The following KDM2A variants were observed in gnomAD, a reference collection of about 807,000 sequenced individuals.
KDM2A encodes the protein lysine demethylase 2A.
KDM2A carries 3 observed loss-of-function variants against 137.3 expected under a neutral mutation model. That is an observed-to-expected ratio of 0.02 (90% CI 0.01 to 0.06). The LOEUF (loss-of-function observed/expected upper bound fraction) is 0.06. Ranked by LOEUF, KDM2A falls within the 10% of genes least tolerant of loss-of-function variation. The pLI is 1.00. For synonymous variants in KDM2A, 512 were observed against 541.5 expected (o/e 0.95, Z 0.76); for missense variants, 738 against 1,510.6 (o/e 0.49, Z 8.48).
chr11:67,197,505 T>C (rs1300488560), intron 5 of KDM2A, among the ~76,000 whole-genome samples: 1 of 152,208 alleles, frequency 6.6e-6, no homozygotes, highest in Admixed American at 6.5e-5. Context: ...CCAGGTTTTT[T>C]AAAGTCTGGG....
intron 6 of KDM2A, among the ~76,000 whole-genome samples, chr11:67,212,581 A>G (rs2136390129): frequency 6.6e-6 from 1 of 152,324 alleles, no homozygotes; most frequent in African/African-American, 2.4e-5. Flanking sequence ...GTTGCAGAAC[A>G]GATTATAACT....
At chr11:67,181,203 CTA>C in intron 3 of KDM2A, 115 bp from the exon 4 acceptor site, 1 of 552,350 alleles carries the variant, frequency 1.8e-6, no homozygotes, top group Admixed American at 3.1e-5. Flanking sequence ...AACAGCATAA[CTA>C]TATACACAGA....
At chr11:67,147,193 A>C (rs1565377549) in intron 2 of KDM2A, among the ~76,000 whole-genome samples, 1 of 152,120 alleles carries the variant, frequency 6.6e-6, no homozygotes, top group Admixed American at 6.5e-5. Context: ...TTTGTATTTC[A>C]TCCAGGCTTG....
intron 2 of KDM2A, among the ~76,000 whole-genome samples, chr11:67,139,298 G>A (rs1044968732): frequency 6.6e-6 from 1 of 151,512 alleles, no homozygotes; most frequent in African/African-American, 2.4e-5. Flanking sequence ...AGGCTGGAGT[G>A]CAGTGGCATG....
chr11:67,149,873 A>T (rs1856346289), intron 2 of KDM2A, among the ~76,000 whole-genome samples: 1 of 152,010 alleles, frequency 6.6e-6, no homozygotes, highest in Non-Finnish European at 1.5e-5. Context: ...GGCATGCGCC[A>T]CCAGTCCCAG....
chr11:67,248,821 C>T (rs1262732014), intron 16 of KDM2A, among the ~76,000 whole-genome samples: 1 of 152,214 alleles, frequency 6.6e-6, no homozygotes, highest in Admixed American at 6.5e-5. Context: ...GCAGAAAGCC[C>T]TGCCCTGCCC....
chr11:67,180,234 T>A lies in KDM2A; in HGVS notation c.181+17T>A, dbSNP rs759629837. 6.2e-7 allele frequency: 1 copy of A among 1,611,544 alleles called. No individual in the cohort carries two copies. Among genetic ancestry groups the A allele is most frequent in the South Asian group, 1.1e-5 (1 of 90,776 alleles). On this transcript the variant is annotated intron_variant, in intron 3 of 20. Coordinates refer to ENST00000529006, the MANE Select transcript of KDM2A (RefSeq NM_012308.3). ...AAGGAAAAGGTCAGTATTGTTTTGG[T>A]TCCAGCTTACAGTCCTTTGATGTGG...
At chr11:67,149,678 T>G (rs1162355849) in intron 2 of KDM2A, among the ~76,000 whole-genome samples, 1 of 151,782 alleles carries the variant, frequency 6.6e-6, no homozygotes, top group East Asian at 1.9e-4. Flanking sequence ...ATAGAAAAGA[T>G]AGTAATCTAA....
chr11:67,182,856 G>A (rs998126249), intron 5 of KDM2A, among the ~76,000 whole-genome samples: 1 of 152,252 alleles, frequency 6.6e-6, no homozygotes, highest in South Asian at 2.1e-4. Flanking sequence ...TTTGAAATGC[G>A]TCCAATAGGA....
chr11:67,252,615 C>T, intron 17 of KDM2A, 79 bp from the exon 18 acceptor site: 1 of 1,494,406 alleles, frequency 6.7e-7, no homozygotes, highest in Middle Eastern at 1.7e-4. Flanking sequence ...TCTGCTTTTC[C>T]CAGAAGCCAT....
intron 2 of KDM2A, among the ~76,000 whole-genome samples, chr11:67,152,735 C>T (rs1478178292): frequency 3.3e-5 from 5 of 152,080 alleles, no homozygotes; most frequent in Non-Finnish European, 5.9e-5. Context: ...CTTCTTTTAT[C>T]TTGCTGTAGA....
chr11:67,220,016 T>G (rs1858294319), intron 10 of KDM2A, among the ~76,000 whole-genome samples: 1 of 152,026 alleles, frequency 6.6e-6, no homozygotes, highest in Non-Finnish European at 1.5e-5. Context: ...AACATTTTTT[T>G]CTTTTAATAT....
rs879322643 is a variant in KDM2A, at chr11:67,122,633, T to TTTTA, written c.42+1283_42+1286dup. 7.3e-3 allele frequency among the ~76,000 whole-genome samples: 1,076 copies of TTTTA among 147,846 alleles called. 4 individuals are homozygous for TTTTA. Among genetic ancestry groups the TTTTA allele is most frequent in the Middle Eastern group, 0.014 (4 of 278 alleles). The stretch of plus-strand genomic sequence containing the variant: ...CCACCGCGCCTGGCCATGGCCTATT[T>TTTTA]TTTATTTATTTTTATTTATTTATTT... On this transcript the variant is annotated intron_variant, in intron 2 of 20. Transcript: ENST00000529006.
chr11:67,161,223 A>G (rs1856630315), intron 2 of KDM2A, among the ~76,000 whole-genome samples: 1 of 152,212 alleles, frequency 6.6e-6, no homozygotes, highest in African/African-American at 2.4e-5. Flanking sequence ...ATTGAAACCA[A>G]AAACAAAAGA....
intron 2 of KDM2A, among the ~76,000 whole-genome samples, chr11:67,142,753 G>A (rs1239858355): frequency 6.6e-6 from 1 of 151,790 alleles, no homozygotes; most frequent in African/African-American, 2.4e-5. Context: ...TTATGTATTT[G>A]TTTTTCTGTG....
chr11:67,230,240 G>T (rs567841060), intron 11 of KDM2A, among the ~76,000 whole-genome samples: 2 of 151,770 alleles, frequency 1.3e-5, no homozygotes, highest in African/African-American at 4.8e-5. Flanking sequence ...GTCCCAGCTA[G>T]TTGGGAGGCT....
chr11:67,182,530 C>CTT (rs11297347), intron 5 of KDM2A, among the ~76,000 whole-genome samples: 2 of 88,248 alleles, frequency 2.3e-5, no homozygotes, highest in Admixed American at 1.2e-4. Flanking sequence ...TTGAATAAGT[C>CTT]TTTTTTTTTT....
intron 2 of KDM2A, among the ~76,000 whole-genome samples, chr11:67,144,029 C>A (rs974840666): frequency 6.6e-6 from 1 of 151,978 alleles, no homozygotes; most frequent in East Asian, 1.9e-4. Context: ...GCAACCTCCA[C>A]CTCCTGGGTT....
intron 2 of KDM2A, among the ~76,000 whole-genome samples, chr11:67,126,975 C>T (rs766994793): frequency 6.6e-6 from 1 of 151,934 alleles, no homozygotes; most frequent in Non-Finnish European, 1.5e-5. Context: ...ATATTGATTG[C>T]CAGAACAAAG....
Sources: allele counts gnomAD v4.1 joint callset (sites outside exome capture counted in the v4.1 genomes callset), GRCh38; gene constraint gnomAD v4.1.1; transcripts MANE v1.5; gene names NCBI Gene and HGNC (gene_info 2026-07-23, HGNC 2026-07-21).